METTL22: variants seen among roughly 807,000 people sequenced by gnomAD.
The protein encoded by METTL22 is methyltransferase 22, Kin17 lysine.
Under a neutral mutation model 48.4 loss-of-function variants are expected in METTL22, and 51 were observed. The ratio of observed to expected loss-of-function variants is 1.05; its 90% CI spans 0.84 to 1.33. METTL22 has a LOEUF of 1.33. Among genes scored for constraint, METTL22 ranks in the 40% most tolerant of loss-of-function variants. The probability of loss-of-function intolerance (pLI) is 0.00; values close to 1 mark genes in which losing one functional copy is unlikely to be tolerated. For synonymous variants in METTL22, 255 were observed against 214.1 expected (o/e 1.19, Z -1.67); for missense variants, 678 against 526.9 (o/e 1.29, Z -2.81).
At chr16:8,622,470 TG>T (rs2055886148) in intron 1 of METTL22, among the ~76,000 whole-genome samples, 1 of 152,046 alleles carries the variant, frequency 6.6e-6, no homozygotes, top group African/African-American at 2.4e-5. Flanking sequence ...GGAGAGGTGG[TG>T]GGGCAGGTCC....
chr16:8,625,853 A>G (rs1001021387), intron 2 of METTL22, 55 bp downstream of exon 2: 33 of 1,598,488 alleles, frequency 2.1e-5, no homozygotes, highest in Non-Finnish European at 2.8e-5. Flanking sequence ...CTGCTTTCTC[A>G]TACTCATCTT....
chr16:8,641,986 G>T (rs2141796899), intron 7 of METTL22, 141 bp from the exon 8 acceptor site: 2 of 678,646 alleles, frequency 2.9e-6, no homozygotes, highest in East Asian at 2.7e-5. Flanking sequence ...CAGGGAGTCT[G>T]GTCTGCCTGG....
intron 6 of METTL22, 41 bp from the exon 7 acceptor site, chr16:8,641,090 G>C: frequency 6.3e-7 from 1 of 1,586,726 alleles, no homozygotes; most frequent in South Asian, 1.1e-5. Flanking sequence ...TCCTGATGAT[G>C]TTTAGAGTTT....
chr16:8,624,878 AT>A (rs2055991366), intron 1 of METTL22, among the ~76,000 whole-genome samples: 1 of 152,190 alleles, frequency 6.6e-6, no homozygotes, highest in South Asian at 2.1e-4. Context: ...ATGTTTAAAA[AT>A]AAAACATTGT....
chr16:8,624,363 C>CTTTTTTTT (rs71152910), intron 1 of METTL22, among the ~76,000 whole-genome samples: 63 of 139,652 alleles, frequency 4.5e-4, no homozygotes, highest in African/African-American at 1.7e-3. Flanking sequence ...TCCACTCACT[C>CTTTTTTTT]TTTTTTTTTT....
At chr16:8,657,693 G>A in the METTL22 span, among the ~76,000 whole-genome samples, 383 of 152,302 alleles carry the variant, frequency 2.5e-3, no homozygotes, top group African/African-American at 8.7e-3. Context: ...CTATGAATGG[G>A]AAACTTGGAA....
rs1174512544 is a variant in METTL22 at position 8,646,341 on chromosome 16, G to T, written c.*198G>T. ...TAGCCAGAGAAGGTTGTTGCTGTGGGCTGGAGGTCACTTTAGTTGCCTGTT... is the reference window on the plus strand; with the variant it reads ...TAGCCAGAGAAGGTTGTTGCTGTGGTCTGGAGGTCACTTTAGTTGCCTGTT... On this transcript the variant is annotated 3_prime_UTR_variant, in exon 11 of 11. Transcript: ENST00000381920. 1.3e-6 allele frequency: 1 copy of T among 748,228 alleles called. No individual in the cohort carries two copies. The highest frequency in any genetic ancestry group is 2.0e-5 in the Admixed American group (1 of 49,972). 46.3% of individuals were successfully genotyped at this position (748,228 alleles called of 1,614,324 possible).
At chr16:8,650,804 C>G (rs1387973040), downstream of METTL22, among the ~76,000 whole-genome samples, 1 of 152,138 alleles carries the variant, frequency 6.6e-6, no homozygotes, top group Non-Finnish European at 1.5e-5. Context: ...GCAAATGGAT[C>G]ACCTGAGGTC....
At chr16:8,652,540 CA>C (rs1375220150), downstream of METTL22, among the ~76,000 whole-genome samples, 9 of 148,968 alleles carry the variant, frequency 6.0e-5, no homozygotes, top group African/African-American at 2.2e-4. Flanking sequence ...CATGTGTGGC[CA>C]GGTGCAGTGG....
the METTL22 span, among the ~76,000 whole-genome samples, chr16:8,662,001 T>A: frequency 6.9e-6 from 1 of 145,448 alleles, no homozygotes; most frequent in Non-Finnish European, 1.5e-5. Flanking sequence ...CCCAATACTT[T>A]GAGAGACAGA....
chr16:8,628,590 T>G (rs1196414761), intron 2 of METTL22, 140 bp from the exon 3 acceptor site: 2 of 1,200,930 alleles, frequency 1.7e-6, no homozygotes, highest in Non-Finnish European at 2.3e-6. Context: ...CAAGTGGGCC[T>G]TTTCTGCTGG....
downstream of METTL22, among the ~76,000 whole-genome samples, chr16:8,653,289 G>A (rs1174501883): frequency 6.6e-6 from 1 of 152,190 alleles, no homozygotes; most frequent in East Asian, 1.9e-4. Flanking sequence ...ACAACGCTAA[G>A]TTTTAATATC....
downstream of METTL22, among the ~76,000 whole-genome samples, chr16:8,654,592 A>G (rs1197767320): frequency 6.6e-6 from 1 of 152,252 alleles, no homozygotes; most frequent in East Asian, 1.9e-4. Flanking sequence ...CTCTCTAACA[A>G]GAGCTGTATT....
intron 2 of METTL22, among the ~76,000 whole-genome samples, chr16:8,627,453 C>G (rs1357431799): frequency 2.0e-5 from 3 of 152,138 alleles, no homozygotes; most frequent in Non-Finnish European, 4.4e-5. Context: ...GTATCATCTC[C>G]ACAGACAGCC....
rs749090700 is a variant in METTL22, at chr16:8,639,149, G to T, written c.759G>T (p.Leu253=). The part of the protein sequence containing the change: ...CQRNIALNSH[L]AATGGGIVRV... ...GAAACATTGCCCTCAACAGCCACCTGGCTGCCACTGGAGGTGAGGCCCAGG... is the reference window on the plus strand; with the variant it reads ...GAAACATTGCCCTCAACAGCCACCTTGCTGCCACTGGAGGTGAGGCCCAGG... The change falls in exon 6 of 11, where the codon CTG becomes CTT. Residue 253 remains leucine, a synonymous_variant. Transcript: ENST00000381920. The T allele has an allele frequency of 6.2e-7, 1 of 1,613,878 alleles. No individual in the cohort carries two copies. The highest frequency in any genetic ancestry group is 2.2e-5 in the East Asian group (1 of 44,896).
chr16:8,645,797 G>A (rs1047808428), intron 10 of METTL22: 2 of 495,002 alleles, frequency 4.0e-6, no homozygotes, highest in Non-Finnish European at 5.6e-6. Context: ...TGTTTATAAA[G>A]ATCTCCCCCA....
At chr16:8,657,554 A>G in the METTL22 span, among the ~76,000 whole-genome samples, 39 of 152,252 alleles carry the variant, frequency 2.6e-4, no homozygotes, top group African/African-American at 9.4e-4. Context: ...CGTCTACTAT[A>G]TGGAGTTCAA....
In METTL22 at chr16:8,642,144, AG is replaced by A. The variant is rs2056637228; in HGVS notation, c.845del (p.Ser282IlefsTer28). On this transcript the variant is annotated frameshift_variant, in exon 8 of 11. Transcript: ENST00000381920. LOFTEE classifies it high-confidence loss of function. ...TTTCTTAGATCCCAAGGTCCCCTTCAGTTGGTCACAAGAGGAAATTTCTGAC... is the reference window on the plus strand; with the variant it reads ...TTTCTTAGATCCCAAGGTCCCCTTCATTGGTCACAAGAGGAAATTTCTGAC... ...DLCTDPKVPF[S>X]WSQEEISDLY... 6.2e-7 allele frequency: 1 copy of A among 1,613,498 alleles called. No individual in the cohort carries two copies. The highest frequency in any genetic ancestry group is 1.1e-5 in the South Asian group (1 of 91,068).
chr16:8,634,512 C>G lies in METTL22; in HGVS notation c.515-527C>G, dbSNP rs1380275899. Among the ~76,000 whole-genome samples, 6 of 152,012 alleles carry G rather than the reference C, an allele frequency of 3.9e-5. No individual in the cohort carries two copies. In the South Asian group the frequency reaches 8.3e-4, roughly 21 times the overall value. ...TATTTTGCACTTGAGAATACTTATA[C>G]TACTTTTCAACGTTTTTAAAAAGGA... On this transcript the variant is annotated intron_variant, in intron 3 of 10. Coordinates refer to ENST00000381920, the MANE Select transcript of METTL22 (RefSeq NM_024109.4).
Sources: allele counts gnomAD v4.1 joint callset (sites outside exome capture counted in the v4.1 genomes callset), GRCh38; gene constraint gnomAD v4.1.1; transcripts MANE v1.5; gene names NCBI Gene and HGNC (gene_info 2026-07-23, HGNC 2026-07-21).